AP3M1: variants seen among roughly 807,000 people sequenced by gnomAD.
The protein encoded by AP3M1 is adaptor related protein complex 3 subunit mu 1, also known as AP-3 complex subunit mu-1.
AP3M1 carries 29 observed loss-of-function variants against 42.6 expected under a neutral mutation model. That is an observed-to-expected ratio of 0.68 (90% CI 0.51 to 0.93). AP3M1 has a LOEUF of 0.93. Among genes scored for constraint, AP3M1 ranks in the 40% least tolerant of loss-of-function variants. The pLI is 0.00. For missense variants in AP3M1, 416 were observed against 510.2 expected (o/e 0.82, Z 1.78); for synonymous variants, 178 against 175.3 (o/e 1.02, Z -0.12).
Position 74,129,238 on chromosome 10 carries a change from G to A in AP3M1, c.673C>T (p.Pro225Ser), listed in dbSNP as rs759185186. The change falls in exon 6 of 9, where the codon CCT becomes TCT. Residue 225 changes from proline (P) to serine (S), a missense_variant. By Grantham distance (74) the Pro-to-Ser change is moderately conservative (BLOSUM62 -1). Coordinates refer to ENST00000355264, the MANE Select transcript of AP3M1 (RefSeq NM_012095.6). ...MPDLSLSFMN[P>S]RLLDDVSFHP... ...AAGCTGACATCATCCAGAAGCCTAG[G>A]GTTCTGCCAGAAAAACAGAAGACAG... The A allele has an allele frequency of 6.2e-7, 1 of 1,613,668 alleles. No homozygotes were observed. Among genetic ancestry groups the A allele is most frequent in the Non-Finnish European group, 8.5e-7 (1 of 1,179,932 alleles).
chr10:74,141,753 C>T (rs1841159467), intron 1 of AP3M1, among the ~76,000 whole-genome samples: 1 of 148,290 alleles, frequency 6.7e-6, no homozygotes, highest in Admixed American at 6.8e-5. Context: ...TACACTGTCG[C>T]CCAGGCTGGA....
At chr10:74,130,102 G>T in intron 4 of AP3M1, 110 bp from the exon 5 acceptor site, 1 of 805,670 alleles carries the variant, frequency 1.2e-6, no homozygotes, top group Non-Finnish European at 2.0e-6. Context: ...ACAGAGTCTT[G>T]CTCTGTTGCC....
At position 74,123,013 on chromosome 10, in the gene AP3M1, A is replaced by G. The variant is rs1840512738; in HGVS notation, c.*797T>C. ...AGCACAAATGCTTGTGCTTGCAGTAACTTCCTAAAAGCAGAAGTAATGTTC... is the reference window on the plus strand; with the variant it reads ...AGCACAAATGCTTGTGCTTGCAGTAGCTTCCTAAAAGCAGAAGTAATGTTC... On this transcript the variant is annotated 3_prime_UTR_variant, in exon 9 of 9. Transcript: ENST00000355264. 6.6e-6 allele frequency: 1 copy of G among 152,632 alleles called. No homozygotes were observed. The highest frequency in any genetic ancestry group is 1.5e-5 in the Non-Finnish European group (1 of 68,042). 9.5% of individuals were successfully genotyped at this position (152,632 alleles called of 1,614,324 possible). A position where few individuals can be genotyped will look rare whatever the true frequency, so the allele number is the denominator to read the frequency against.
chr10:74,134,941 T>C (rs909144195), intron 3 of AP3M1, among the ~76,000 whole-genome samples: 2 of 151,734 alleles, frequency 1.3e-5, no homozygotes, highest in African/African-American at 2.4e-5. Flanking sequence ...AATATTAACA[T>C]TTTGGTATAT....
intron 4 of AP3M1, 58 bp downstream of exon 4, chr10:74,133,969 A>T: frequency 6.3e-7 from 1 of 1,596,722 alleles, no homozygotes; most frequent in South Asian, 1.1e-5. Context: ...TCAGTTTTCT[A>T]TTCATCTGTG....
intron 1 of AP3M1, among the ~76,000 whole-genome samples, chr10:74,139,131 G>T (rs143145332): frequency 6.6e-6 from 1 of 151,594 alleles, no homozygotes; most frequent in Non-Finnish European, 1.5e-5. Context: ...AAAACAAAAG[G>T]CTTCCAAATT....
At chr10:74,133,919 C>T (rs557364705) in intron 4 of AP3M1, 108 bp downstream of exon 4, 12 of 1,394,824 alleles carry the variant, frequency 8.6e-6, no homozygotes, top group South Asian at 7.9e-5. Flanking sequence ...TCCCAAAGGG[C>T]TGGGATTACA....
chr10:74,145,115 T>A (rs936533298), intron 1 of AP3M1, among the ~76,000 whole-genome samples: 1 of 152,360 alleles, frequency 6.6e-6, no homozygotes, highest in Non-Finnish European at 1.5e-5. Flanking sequence ...AAATCATTCA[T>A]CCTATCGAAA....
chr10:74,126,100 A>T, intron 7 of AP3M1, 48 bp downstream of exon 7: 2 of 1,594,730 alleles, frequency 1.3e-6, no homozygotes, highest in South Asian at 2.2e-5. Flanking sequence ...CAAATCACAA[A>T]ATAGATTGCA....
chr10:74,143,419 T>C (rs1420612760), intron 1 of AP3M1, among the ~76,000 whole-genome samples: 4 of 152,118 alleles, frequency 2.6e-5, no homozygotes, highest in African/African-American at 9.7e-5. Context: ...CCAGCTAGTT[T>C]TTCTGTTTTT....
chr10:74,133,070 T>C (rs566962109), intron 4 of AP3M1, among the ~76,000 whole-genome samples: 7 of 152,164 alleles, frequency 4.6e-5, no homozygotes, highest in East Asian at 1.9e-4. Context: ...CTGGCCAACA[T>C]TGTGAAACCC....
At chr10:74,134,188 C>T (rs1007900236) in intron 3 of AP3M1, 24 bp from the exon 4 acceptor site, 2 of 1,605,458 alleles carry the variant, frequency 1.2e-6, no homozygotes, top group Admixed American at 1.7e-5. Context: ...AAGGAGAAGG[C>T]AAAGCTGATG....
Position 74,126,522 on chromosome 10 carries a change from T to C in AP3M1, c.804-167A>G, listed in dbSNP as rs545396580. 2.6e-5 allele frequency among the ~76,000 whole-genome samples: 4 copies of C among 152,232 alleles called. No individual in the cohort carries two copies. The South Asian group carries it at 8.3e-4, about 32-fold the overall frequency. On this transcript the variant is annotated intron_variant, in intron 6 of 8. Transcript: ENST00000355264. ...CTCTGTAGCCACAGTTCTGCATCCT[T>C]GAATTTGACCAGCTGAGGATTGAAA...
rs1375495461 is a variant in AP3M1 at position 74,124,389 on chromosome 10, C to G, written c.1147G>C (p.Ala383Pro). The G allele has an allele frequency of 6.2e-7, 1 of 1,606,070 alleles. No individual in the cohort carries two copies. Among genetic ancestry groups the G allele is most frequent in the Admixed American group, 1.7e-5 (1 of 57,646 alleles). ...LNIQFKIQQLAISGLKVNRLD... is the reference protein window; with the variant it reads ...LNIQFKIQQLPISGLKVNRLD... ...TCAACCTTATCCTTACCTGAAATAG[C>G]AAGCTGCTGGATCTTAAACTGTATG... is the stretch of plus-strand genomic sequence containing the variant. Residue 383 changes from alanine (A) to proline (P), a missense_variant, in exon 8 of 9, where the codon GCT (alanine) becomes CCT (proline). By Grantham distance (27) the Ala-to-Pro change is conservative (BLOSUM62 -1). Transcript: ENST00000355264.
intron 1 of AP3M1, among the ~76,000 whole-genome samples, chr10:74,149,394 A>C (rs1841462257): frequency 7.3e-6 from 1 of 137,392 alleles, no homozygotes; most frequent in Non-Finnish European, 1.5e-5. Context: ...GGTTCAAGGG[A>C]TTCTCCTGCC....
chr10:74,147,089 C>A (rs1841353199), intron 1 of AP3M1, among the ~76,000 whole-genome samples: 1 of 152,102 alleles, frequency 6.6e-6, no homozygotes, highest in South Asian at 2.1e-4. Flanking sequence ...TCGAGACCAG[C>A]CTGGCCAACA....
rs773113503 is a variant in AP3M1, at chr10:74,124,435, T to C, written c.1101A>G (p.Pro367=). The change falls in exon 8 of 9, where the codon CCA becomes CCG. Residue 367 remains proline, a synonymous_variant. Coordinates refer to ENST00000355264, the MANE Select transcript of AP3M1 (RefSeq NM_012095.6). ...LVNLQSGAPK[P]EENPSLNIQF... ...GTATGTTGAGGCTCGGATTCTCTTC[T>C]GGTTTGGGGGCTCCAGACTGTAAAT... 7 of 1,613,816 alleles carry C rather than the reference T, an allele frequency of 4.3e-6. No homozygotes were observed. The highest frequency in any genetic ancestry group is 5.9e-6 in the Non-Finnish European group (7 of 1,179,886).
At chr10:74,137,998 G>T (rs1467466297) in intron 2 of AP3M1, 109 bp downstream of exon 2, 3 of 1,162,960 alleles carry the variant, frequency 2.6e-6, no homozygotes, top group Middle Eastern at 5.7e-4. Context: ...CTTAAACAGA[G>T]AGAGACAGAC....
intron 4 of AP3M1, among the ~76,000 whole-genome samples, chr10:74,133,081 C>T (rs1255476669): frequency 4.6e-5 from 7 of 151,990 alleles, no homozygotes; most frequent in South Asian, 2.1e-4. Flanking sequence ...TGTGAAACCC[C>T]GTCTCTACTA....
Sources: allele counts gnomAD v4.1 joint callset (sites outside exome capture counted in the v4.1 genomes callset), GRCh38; gene constraint gnomAD v4.1.1; transcripts MANE v1.5; gene names NCBI Gene and HGNC (gene_info 2026-07-23, HGNC 2026-07-21).